Variants in DDX43 observed in about 807,000 individuals in gnomAD.
The protein encoded by DDX43 is probable ATP-dependent RNA helicase DDX43.
DDX43 carries 50 observed loss-of-function variants against 84.9 expected under a neutral mutation model. The observed-to-expected ratio is 0.59, with a 90% CI of 0.47 to 0.75. The LOEUF is 0.75. Ranked by LOEUF, DDX43 falls within the 30% of genes least tolerant of loss-of-function variation. The probability of loss-of-function intolerance (pLI) is 0.00; values close to 1 mark genes in which losing one functional copy is unlikely to be tolerated. For missense variants in DDX43, 689 were observed against 798.6 expected (o/e 0.86, Z 1.65); for synonymous variants, 291 against 266.3 (o/e 1.09, Z -0.90).
chr6:73,401,958 A>T lies in DDX43; in HGVS notation c.536A>T (p.Glu179Val). 6.2e-7 allele frequency: 1 copy of T among 1,614,104 alleles called. No homozygotes were observed. Among genetic ancestry groups the T allele is most frequent in the Non-Finnish European group, 8.5e-7 (1 of 1,180,002 alleles). Residue 179 changes from glutamate to valine, a missense_variant, in exon 4 of 17, where the codon GAA becomes GTA. Around this residue, in one of 2 missense-constraint regions of DDX43, gnomAD observed 552 missense variants for 692.7 expected, o/e 0.80. Coordinates refer to ENST00000370336, the MANE Select transcript of DDX43 (RefSeq NM_018665.3). ...ATAGATTGGGATCAAATTAGAGAGG[A>T]AGGTTTGAAATGGCAAAAAACAAAG... ...PLIDWDQIRE[E>V]GLKWQKTKWA...
In DDX43 at chr6:73,397,898, A is replaced by G. The variant is rs1471614002; in HGVS notation, c.306+154A>G. 3.8e-6 allele frequency: 2 copies of G among 530,578 alleles called. 1 individual carries two copies. Among genetic ancestry groups the G allele is most frequent in the South Asian group, 6.5e-5 (2 of 30,698 alleles). 32.9% of individuals were successfully genotyped at this position (530,578 alleles called of 1,614,324 possible). On this transcript the variant is annotated intron_variant, in intron 2 of 16. Transcript: ENST00000370336. ...GTACAACCTCTGCCTCCTGGGTTCAAGCAATTCTCCTGCTTCAGCCTCCTG... is the reference window on the plus strand; with the variant it reads ...GTACAACCTCTGCCTCCTGGGTTCAGGCAATTCTCCTGCTTCAGCCTCCTG...
At chr6:73,416,331 G>A in intron 16 of DDX43, 80 bp downstream of exon 16, 1 of 640,106 alleles carries the variant, frequency 1.6e-6, no homozygotes, top group Admixed American at 2.5e-5. Flanking sequence ...ATTGCAATGA[G>A]CATGATCTCT....
intron 11 of DDX43, among the ~76,000 whole-genome samples, chr6:73,412,668 T>TGTGTGTGTGTGC (rs538597626): frequency 0.051 from 5,460 of 107,474 alleles, 292 homozygotes; most frequent in Non-Finnish European, 0.068. Context: ...TGTGTGTGTG[T>TGTGTGTGTGTGC]GCGCGCGCGC....
chr6:73,409,920 C>G (rs1769753593), intron 10 of DDX43, among the ~76,000 whole-genome samples: 1 of 151,434 alleles, frequency 6.6e-6, no homozygotes, highest in African/African-American at 2.4e-5. Context: ...GTCCCAGCTA[C>G]TAGGAAGACT....
Position 73,415,581 on chromosome 6 carries a change from T to C in DDX43, c.1830T>C (p.Asn610=). The change falls in exon 15 of 17, where the codon AAT becomes AAC. Residue 610 remains asparagine, a synonymous_variant. Transcript: ENST00000370336. ...SELINILERA[N]QSIPEELVSM... ...TGATTAATATTCTGGAAAGAGCAAA[T>C]CAGGTGAGACTATGCAATTCATTAG... The C allele has an allele frequency of 6.2e-7, 1 of 1,606,380 alleles. No individual in the cohort carries two copies. The highest frequency in any genetic ancestry group is 2.2e-5 in the East Asian group (1 of 44,766).
At chr6:73,402,859 G>T (rs374403580) in intron 4 of DDX43, among the ~76,000 whole-genome samples, 1 of 152,154 alleles carries the variant, frequency 6.6e-6, no homozygotes, top group Non-Finnish European at 1.5e-5. Context: ...GATTACAGGC[G>T]TGAGCCACCC....
At chr6:73,410,460 A>G (rs946230773) in intron 10 of DDX43, among the ~76,000 whole-genome samples, 1 of 151,838 alleles carries the variant, frequency 6.6e-6, no homozygotes, top group African/African-American at 2.4e-5. Flanking sequence ...CACGATGCCC[A>G]GCCCAAGAAA....
intron 11 of DDX43, among the ~76,000 whole-genome samples, chr6:73,412,728 C>A (rs1200230755): frequency 8.4e-6 from 1 of 118,924 alleles, no homozygotes; most frequent in African/African-American, 3.2e-5. Flanking sequence ...TGATATATAG[C>A]GTGTGTGTGT....
chr6:73,417,266 T>A lies in DDX43; in HGVS notation c.*105T>A, dbSNP rs1260637394. The stretch of plus-strand genomic sequence containing the variant: ...TATGAAGAGACCGGACTGATTTGAC[T>A]GATTCTTAAAATAATAGTGTTTGAA... On this transcript the variant is annotated 3_prime_UTR_variant, in exon 17 of 17. Transcript: ENST00000370336. The A allele has an allele frequency of 6.6e-6, 1 of 152,242 alleles. No homozygotes were observed. The highest frequency in any genetic ancestry group is 2.4e-5 in the African/African-American group (1 of 41,462). 9.4% of individuals were successfully genotyped at this position (152,242 alleles called of 1,614,324 possible). A position where few individuals can be genotyped will look rare whatever the true frequency, so the allele number is the denominator to read the frequency against.
chr6:73,397,663 A>G (rs555862689), intron 1 of DDX43, 26 bp from the exon 2 acceptor site: 43 of 1,567,558 alleles, frequency 2.7e-5, no homozygotes, highest in South Asian at 4.4e-5. Context: ...ACTTATAACA[A>G]TATATTCCTT....
chr6:73,396,231 C>T (rs949204008), intron 1 of DDX43, among the ~76,000 whole-genome samples: 15 of 152,152 alleles, frequency 9.9e-5, no homozygotes, highest in Admixed American at 4.6e-4. Flanking sequence ...AGATTACAGG[C>T]GTAAGCCCGG....
rs768641284 is a variant in DDX43, at chr6:73,394,917, C to A, written c.12C>A (p.His4Gln). MSH[H>Q]GGAPKASTWV... Reference sequence around the variant, plus strand: ...CCCTTCTTGGAACAATGTCCCACCACGGAGGAGCTCCCAAGGCCTCTACGT... The same window carrying A: ...CCCTTCTTGGAACAATGTCCCACCAAGGAGGAGCTCCCAAGGCCTCTACGT... Residue 4 changes from histidine to glutamine, a missense_variant, in exon 1 of 17, where the codon CAC becomes CAA. Around this residue, in one of 2 missense-constraint regions of DDX43, gnomAD observed 137 missense variants for 105.9 expected, o/e 1.29. Coordinates refer to ENST00000370336, the MANE Select transcript of DDX43 (RefSeq NM_018665.3). 8.7e-6 allele frequency: 14 copies of A among 1,614,066 alleles called. No individual in the cohort carries two copies.
chr6:73,411,133 G>A (rs1256207984), intron 10 of DDX43, among the ~76,000 whole-genome samples: 51 of 122,008 alleles, frequency 4.2e-4, no homozygotes, highest in African/African-American at 1.5e-3. Flanking sequence ...CCGAGATCAC[G>A]CCACTGCACT....
At position 73,400,224 on chromosome 6, in the gene DDX43, T is replaced by G. The variant is rs770939328; in HGVS notation, c.307-10T>G. The G allele has an allele frequency of 1.1e-4, 181 of 1,582,998 alleles. No individual in the cohort carries two copies. The highest frequency in any genetic ancestry group is 1.5e-4 in the Non-Finnish European group (170 of 1,169,448). Reference sequence around the variant, plus strand: ...TTTTAAGTCTCACCTCTTTTTCCCCTTGTACCTAGATAATACAAGAACAAC... The same window carrying G: ...TTTTAAGTCTCACCTCTTTTTCCCCGTGTACCTAGATAATACAAGAACAAC... On this transcript the variant is annotated splice_polypyrimidine_tract_variant and intron_variant, in intron 2 of 16. Transcript: ENST00000370336.
chr6:73,416,272 G>A (rs1769898385), intron 16 of DDX43, 21 bp downstream of exon 16: 1 of 980,122 alleles, frequency 1.0e-6, no homozygotes, highest in Admixed American at 2.0e-5. Flanking sequence ...AATAACATAT[G>A]GACTTTAAAA....
At chr6:73,403,487 G>A (rs974441005) in intron 4 of DDX43, among the ~76,000 whole-genome samples, 1 of 151,664 alleles carries the variant, frequency 6.6e-6, no homozygotes, top group Non-Finnish European at 1.5e-5. Flanking sequence ...AAAAAGAAAA[G>A]AAAAGAAAAG....
At chr6:73,412,669 G>GTGTGTGTGTGTGTGCGCA (rs1491262351) in intron 11 of DDX43, among the ~76,000 whole-genome samples, 1 of 29,188 alleles carries the variant, frequency 3.4e-5, no homozygotes, top group Non-Finnish European at 9.1e-5. Flanking sequence ...GTGTGTGTGT[G>GTGTGTGTGTGTGTGCGCA]CGCGCGCGCG....
At position 73,397,731 on chromosome 6, in the gene DDX43, A is replaced by G. The variant is rs1769499840; in HGVS notation, c.293A>G (p.Asn98Ser). The G allele has an allele frequency of 6.2e-7, 1 of 1,613,812 alleles. No homozygotes were observed. The highest frequency in any genetic ancestry group is 8.5e-7 in the Non-Finnish European group (1 of 1,179,824). ...SKIKNIQSTT[N>S]TTIQIIQEQP... The stretch of plus-strand genomic sequence containing the variant: ...ATAAAGAATATACAAAGTACAACAA[A>G]CACCACAATCCAAGTAAGCCATCTG... The change falls in exon 2 of 17, where the codon AAC becomes AGC. Residue 98 changes from asparagine (N) to serine (S), a missense_variant. Asn to Ser is a conservative substitution (Grantham distance 46, BLOSUM62 1). Around this residue, in one of 2 missense-constraint regions of DDX43, gnomAD observed 552 missense variants for 692.7 expected, o/e 0.80. Transcript: ENST00000370336.
At chr6:73,415,084 T>G (rs1314173083) in intron 14 of DDX43, among the ~76,000 whole-genome samples, 1 of 151,940 alleles carries the variant, frequency 6.6e-6, no homozygotes, top group Non-Finnish European at 1.5e-5. Flanking sequence ...GATCATGAGG[T>G]CAGGAGATTG....
Sources: allele counts gnomAD v4.1 joint callset (sites outside exome capture counted in the v4.1 genomes callset), GRCh38; gene constraint gnomAD v4.1.1; regional missense constraint gnomAD v4.1.1; transcripts MANE v1.5; gene names NCBI Gene and HGNC (gene_info 2026-07-23, HGNC 2026-07-21).